Variants in CYSLTR2 observed in about 807,000 individuals in gnomAD.
CYSLTR2 encodes the protein G-protein coupled receptor GPCR21.
For missense variants in CYSLTR2, 398 were observed against 411.9 expected, an observed-to-expected ratio of 0.97 and a Z score of 0.29; for synonymous variants, 179 against 160.8, an observed-to-expected ratio of 1.11 and a Z score of -0.86.
chr13:48,684,531 ATCATCCCTACAT>A (rs1953846803), intron 1 of CYSLTR2, among the ~76,000 whole-genome samples: 1 of 151,990 alleles, frequency 6.6e-6, no homozygotes, highest in Non-Finnish European at 1.5e-5. Flanking sequence ...TTGAAGTTAG[ATCATCCCTACAT>A]TCATTCACAA....
At chr13:48,686,313 C>A (rs1226077003) in intron 1 of CYSLTR2, among the ~76,000 whole-genome samples, 4 of 152,070 alleles carry the variant, frequency 2.6e-5, no homozygotes, top group Admixed American at 6.6e-5. Context: ...TAGTCAAAGG[C>A]CATTAGAGAC....
chr13:48,704,257 G>A (rs1221654297), intron 4 of CYSLTR2, among the ~76,000 whole-genome samples: 1 of 152,120 alleles, frequency 6.6e-6, no homozygotes, highest in Non-Finnish European at 1.5e-5. Flanking sequence ...AGGCATGGTG[G>A]CCCACGCCTA....
rs1954615717 is a variant in CYSLTR2 at position 48,710,894 on chromosome 13, G to A, written c.*3036G>A. ...GGGTGCTGCTGGAGTGAAATACTGTGATATAACCTTTTTTTCAGGAAATGA... is the reference window on the plus strand; with the variant it reads ...GGGTGCTGCTGGAGTGAAATACTGTAATATAACCTTTTTTTCAGGAAATGA... On this transcript the variant is annotated 3_prime_UTR_variant, in exon 5 of 5. Coordinates refer to ENST00000682523, the MANE Select transcript of CYSLTR2 (RefSeq NM_001308476.3). The A allele has an allele frequency of 6.6e-6, 1 of 152,154 alleles. No homozygotes were observed. The allele number at this position is 152,154 out of a possible 1,614,324, so 9.4% of individuals were successfully genotyped here.
intron 1 of CYSLTR2, among the ~76,000 whole-genome samples, chr13:48,674,625 A>G (rs938183125): frequency 1.3e-5 from 2 of 152,128 alleles, no homozygotes; most frequent in African/African-American, 4.8e-5. Flanking sequence ...ACTTCTGTCA[A>G]TTCGTCAAAC....
chr13:48,661,380 C>T (rs1953125208), intron 1 of CYSLTR2, among the ~76,000 whole-genome samples: 2 of 151,676 alleles, frequency 1.3e-5, no homozygotes, highest in Admixed American at 6.5e-5. Context: ...TACTGCTTCC[C>T]TGCAGCTGAG....
intron 1 of CYSLTR2, among the ~76,000 whole-genome samples, chr13:48,678,294 C>T (rs912438530): frequency 6.6e-6 from 1 of 152,152 alleles, no homozygotes; most frequent in African/African-American, 2.4e-5. Flanking sequence ...CAGGCATGAC[C>T]ACCGGACTGG....
intron 1 of CYSLTR2, among the ~76,000 whole-genome samples, chr13:48,663,485 A>G (rs554989096): frequency 3.3e-5 from 5 of 152,084 alleles, no homozygotes; most frequent in African/African-American, 9.6e-5. Flanking sequence ...TTGTCTTTCC[A>G]TTTGTTTGTA....
At chr13:48,687,774 T>C (rs1157651616) in intron 1 of CYSLTR2, among the ~76,000 whole-genome samples, 1 of 152,032 alleles carries the variant, frequency 6.6e-6, no homozygotes, top group Non-Finnish European at 1.5e-5. Flanking sequence ...ACAACTGAAA[T>C]TCTCTAACAA....
At chr13:48,675,137 G>A (rs1953558751) in intron 1 of CYSLTR2, among the ~76,000 whole-genome samples, 1 of 152,174 alleles carries the variant, frequency 6.6e-6, no homozygotes, top group South Asian at 2.1e-4. Context: ...CACTTGAGGA[G>A]GCAGTCTGTC....
chr13:48,705,961 ATTCT>A (rs933383252), intron 4 of CYSLTR2, among the ~76,000 whole-genome samples: 1 of 143,254 alleles, frequency 7.0e-6, no homozygotes, highest in African/African-American at 2.6e-5. Context: ...TCCTTTAGTC[ATTCT>A]TTGTTTGTTT....
intron 1 of CYSLTR2, among the ~76,000 whole-genome samples, chr13:48,676,905 C>T (rs9285169): frequency 0.19 from 28,464 of 152,008 alleles, 3,900 homozygotes; most frequent in African/African-American, 0.39. Flanking sequence ...AACTATAAGA[C>T]GAAAATATGG....
rs1206391526 is a variant in CYSLTR2, at chr13:48,707,199, T to G, written c.382T>G (p.Phe128Val). The change falls in exon 5 of 5, where the codon TTC becomes GTC. Residue 128 changes from phenylalanine (F) to valine (V), a missense_variant. Coordinates refer to ENST00000682523, the MANE Select transcript of CYSLTR2 (RefSeq NM_001308476.3). ...TGTCAACATGTACAGCAGTATTTAT[T>G]TCCTGACCGTGCTGAGTGTTGTGCG... ...LYVNMYSSIY[F>V]LTVLSVVRFL... The G allele has an allele frequency of 2.5e-6, 4 of 1,614,100 alleles. No homozygotes were observed. In the African/African-American group the frequency reaches 5.3e-5, roughly 22 times the overall value.
intron 1 of CYSLTR2, among the ~76,000 whole-genome samples, chr13:48,675,767 C>T (rs4942772): frequency 2.6e-5 from 4 of 152,078 alleles, no homozygotes; most frequent in Admixed American, 2.6e-4. Flanking sequence ...AAACCCAGGG[C>T]CCTGGTGGTA....
chr13:48,698,029 C>T (rs922473291), intron 4 of CYSLTR2, among the ~76,000 whole-genome samples: 1 of 152,144 alleles, frequency 6.6e-6, no homozygotes, highest in African/African-American at 2.4e-5. Flanking sequence ...TGTGAAAAGA[C>T]CAAAACTACG....
intron 2 of CYSLTR2, 66 bp from the exon 3 acceptor site, chr13:48,693,372 T>G (rs1459803803): frequency 6.6e-6 from 1 of 152,122 alleles, no homozygotes; most frequent in African/African-American, 2.4e-5. Flanking sequence ...GGCTACTATG[T>G]AAATATACTG....
rs2139022953 is a variant in CYSLTR2 at position 48,709,832 on chromosome 13, TG to T, written c.*1976del. On this transcript the variant is annotated 3_prime_UTR_variant, in exon 5 of 5. Coordinates refer to ENST00000682523, the MANE Select transcript of CYSLTR2 (RefSeq NM_001308476.3). Reference sequence around the variant, plus strand: ...AAAGTGAAGAGAATTCCCAGGATGTTGGTGTGTAGCAGGCTTAGAAAGCAAG... The same window carrying T: ...AAAGTGAAGAGAATTCCCAGGATGTTGTGTGTAGCAGGCTTAGAAAGCAAG... The T allele has an allele frequency of 6.6e-6, 1 of 152,254 alleles. No individual in the cohort carries two copies. The highest frequency in any genetic ancestry group is 2.4e-5 in the African/African-American group (1 of 41,552). The allele number at this position is 152,254 out of a possible 1,614,324, so 9.4% of individuals were successfully genotyped here.
intron 1 of CYSLTR2, among the ~76,000 whole-genome samples, chr13:48,671,738 C>CT (rs948373584): frequency 3.0e-4 from 46 of 151,884 alleles, no homozygotes; most frequent in African/African-American, 7.5e-4. Flanking sequence ...CTGAAATTTT[C>CT]TTTTTTTTGT....
chr13:48,695,397 CTCTCTCTCTT>C (rs1320740000), intron 3 of CYSLTR2, among the ~76,000 whole-genome samples: 5 of 142,464 alleles, frequency 3.5e-5, no homozygotes. Context: ...TTCTTTCTCT[CTCTCTCTCTT>C]TCTCTCTCTC....
chr13:48,668,037 G>A (rs961609599), intron 1 of CYSLTR2, among the ~76,000 whole-genome samples: 2 of 152,136 alleles, frequency 1.3e-5, no homozygotes, highest in Non-Finnish European at 2.9e-5. Context: ...TTTGCCTAGT[G>A]ATGATGTTTA....
Sources: gnomAD v4.1 joint callset for allele counts (sites outside exome capture counted in the v4.1 genomes callset) on GRCh38, gnomAD v4.1.1 for gene constraint, MANE v1.5 for transcripts, NCBI Gene and HGNC (gene_info 2026-07-23, HGNC 2026-07-21) for gene names.